The following CDK13 variants were observed in gnomAD, a reference collection of about 807,000 sequenced individuals.
CDK13 encodes the protein cyclin dependent kinase 13, also known as cyclin-dependent kinase 13.
A neutral mutation model predicts 137.6 loss-of-function variants in CDK13; 40 were observed. The observed-to-expected ratio is 0.29, with a 90% CI of 0.23 to 0.38. The LOEUF (loss-of-function observed/expected upper bound fraction) is 0.38, where lower values mean the gene tolerates loss of function less well. CDK13 is among the 10% of genes least tolerant of loss of function. The probability of loss-of-function intolerance (pLI) is 1.00; values close to 1 mark genes in which losing one functional copy is unlikely to be tolerated. For missense variants in CDK13, 1,704 were observed against 1,951.8 expected (o/e 0.87, Z 2.39); for synonymous variants, 869 against 760.1 (o/e 1.14, Z -2.36).
Position 40,021,106 on chromosome 7 carries a change from T to TACACACACACACACAC in CDK13, c.2353+19076_2353+19077insCACACACACACACACA, listed in dbSNP as rs778814352. On this transcript the variant is annotated intron_variant, in intron 5 of 13. Transcript: ENST00000181839. ...TTCCATCTCAGAGCAAACAAACGTATATATATATATATATATACACACACA... is the reference window on the plus strand; with the variant it reads ...TTCCATCTCAGAGCAAACAAACGTATACACACACACACACACATATATATATATATATACACACACA... 4.5e-3 allele frequency among the ~76,000 whole-genome samples: 291 copies of TACACACACACACACAC among 65,310 alleles called. 6 individuals carry two copies. Among genetic ancestry groups the TACACACACACACACAC allele is most frequent in the Middle Eastern group, 0.011 (2 of 178 alleles). The allele number at this position is 65,310 out of a possible 152,430, so 42.8% of individuals were successfully genotyped here.
At chr7:39,995,598 G>A (rs1784544932) in intron 2 of CDK13, among the ~76,000 whole-genome samples, 1 of 152,172 alleles carries the variant, frequency 6.6e-6, no homozygotes, top group African/African-American at 2.4e-5. Flanking sequence ...TAATGTGTTT[G>A]TTGTTAAATT....
chr7:40,078,419 A>G (rs1786592756), intron 10 of CDK13: 1 of 287,346 alleles, frequency 3.5e-6, no homozygotes, highest in African/African-American at 2.2e-5. Flanking sequence ...TTTGCTTTAG[A>G]AAAAACTATA....
intron 2 of CDK13, among the ~76,000 whole-genome samples, chr7:39,991,436 A>G (rs942713306): frequency 3.3e-5 from 5 of 151,954 alleles, no homozygotes; most frequent in African/African-American, 9.7e-5. Context: ...GCCTGTATCT[A>G]TATTCCTGGT....
intron 5 of CDK13, among the ~76,000 whole-genome samples, chr7:40,034,775 A>G (rs545346322): frequency 6.6e-6 from 1 of 152,310 alleles, no homozygotes; most frequent in South Asian, 2.1e-4. Context: ...TTCTTTGGCT[A>G]TTACTGGATG....
intron 9 of CDK13, 121 bp from the exon 10 acceptor site, chr7:40,077,884 G>GT (rs1314108481): frequency 3.8e-6 from 2 of 529,300 alleles, no homozygotes; most frequent in African/African-American, 3.9e-5. Context: ...AATAACAAAA[G>GT]TTTTTATAGA....
chr7:39,985,457 A>G (rs1784317482), intron 1 of CDK13: 1 of 152,414 alleles, frequency 6.6e-6, no homozygotes, highest in African/African-American at 2.4e-5. Flanking sequence ...TCTCTTTAGT[A>G]TTATTGATTT....
chr7:40,058,257 C>T (rs993243362), intron 7 of CDK13, among the ~76,000 whole-genome samples: 2 of 152,082 alleles, frequency 1.3e-5, no homozygotes, highest in Non-Finnish European at 2.9e-5. Flanking sequence ...AGGTAAGATC[C>T]TTGCTGTACA....
chr7:40,066,630 A>T (rs562024570), intron 9 of CDK13: 1 of 152,382 alleles, frequency 6.6e-6, no homozygotes, highest in South Asian at 2.1e-4. Flanking sequence ...TGTGTAAGTT[A>T]GAAAAGTTAT....
At chr7:40,019,479 T>C (rs1785068702) in intron 5 of CDK13, among the ~76,000 whole-genome samples, 1 of 152,198 alleles carries the variant, frequency 6.6e-6, no homozygotes, top group Admixed American at 6.5e-5. Flanking sequence ...CCAGCAGTCT[T>C]GAGTCTGAAG....
At chr7:40,081,838 C>A (rs1027961254) in intron 11 of CDK13, among the ~76,000 whole-genome samples, 1 of 152,108 alleles carries the variant, frequency 6.6e-6, no homozygotes, top group South Asian at 2.1e-4. Context: ...TCTCGAACTC[C>A]AGACCTCAGG....
intron 5 of CDK13, among the ~76,000 whole-genome samples, chr7:40,027,008 A>T (rs1785256979): frequency 6.6e-6 from 1 of 151,800 alleles, no homozygotes; most frequent in Non-Finnish European, 1.5e-5. Flanking sequence ...TGTTCTAAAA[A>T]CCCCATTTAA....
chr7:40,005,174 C>CAA (rs34773950), intron 5 of CDK13, among the ~76,000 whole-genome samples: 2,776 of 138,574 alleles, frequency 0.02, 66 homozygotes, highest in African/African-American at 0.064. Flanking sequence ...ACTCTTGTCT[C>CAA]AAAAAAAAAA....
intron 12 of CDK13, among the ~76,000 whole-genome samples, chr7:40,089,729 T>C (rs933970363): frequency 5.8e-4 from 74 of 127,606 alleles, no homozygotes; most frequent in African/African-American, 1.9e-3. Flanking sequence ...AGAGAGTGTG[T>C]GTGTGTGTGT....
rs1787159526 is a variant in CDK13 at position 39,951,070 on chromosome 7, G to A, written c.429G>A (p.Leu143=). The change falls in exon 1 of 14, where the codon CTG becomes CTA. Residue 143 remains leucine, a synonymous_variant. Transcript: ENST00000181839. The part of the protein sequence containing the change: ...GASSGGGVTP[L]VEYEDVSSQS... The stretch of plus-strand genomic sequence containing the variant: ...GTAGCGGCGGGGGTGTGACCCCGCT[G>A]GTGGAATACGAGGATGTGAGCTCCC... 1.6e-6 allele frequency: 2 copies of A among 1,273,794 alleles called. No individual in the cohort carries two copies. The allele number at this position is 1,273,794 out of a possible 1,614,324, so 78.9% of individuals were successfully genotyped here.
chr7:40,042,065 G>C (rs1785617872), intron 5 of CDK13, among the ~76,000 whole-genome samples: 1 of 151,972 alleles, frequency 6.6e-6, no homozygotes, highest in Non-Finnish European at 1.5e-5. Context: ...TCTGTTGTGG[G>C]ATTGGTATTT....
chr7:40,023,556 G>A (rs1046186804), intron 5 of CDK13, among the ~76,000 whole-genome samples: 2 of 151,330 alleles, frequency 1.3e-5, no homozygotes, highest in Non-Finnish European at 2.9e-5. Flanking sequence ...CTGGAGTGCA[G>A]TGGCATGATC....
At chr7:40,003,118 T>A (rs866070879) in intron 5 of CDK13, among the ~76,000 whole-genome samples, 1 of 149,466 alleles carries the variant, frequency 6.7e-6, no homozygotes, top group Middle Eastern at 3.5e-3. Flanking sequence ...TATGTTCTGA[T>A]TGAACATGGT....
intron 5 of CDK13, among the ~76,000 whole-genome samples, chr7:40,036,193 C>T (rs891292852): frequency 3.4e-5 from 5 of 146,444 alleles, no homozygotes; most frequent in South Asian, 2.1e-4. Flanking sequence ...CACACACACA[C>T]ACACATATAA....
intron 1 of CDK13, among the ~76,000 whole-genome samples, chr7:39,977,196 A>G (rs1294903541): frequency 6.6e-6 from 1 of 152,216 alleles, no homozygotes. Flanking sequence ...CTAGGCCAGT[A>G]TGTGGGAATA....
Sources: allele counts gnomAD v4.1 joint callset (sites outside exome capture counted in the v4.1 genomes callset), GRCh38; gene constraint gnomAD v4.1.1; transcripts MANE v1.5; gene names NCBI Gene and HGNC (gene_info 2026-07-23, HGNC 2026-07-21).